The following KCNG3 variants were observed in gnomAD, a reference collection of about 807,000 sequenced individuals.
KCNG3 encodes the protein potassium voltage-gated channel modifier subfamily G member 3.
A neutral mutation model predicts 29.0 loss-of-function variants in KCNG3; 15 were observed. The ratio of observed to expected loss-of-function variants is 0.52; its 90% CI spans 0.35 to 0.80. The LOEUF is 0.80. KCNG3 is among the 30% of genes least tolerant of loss of function. The pLI is 0.01. For synonymous variants in KCNG3, 322 were observed against 248.9 expected (o/e 1.29, Z -2.76); for missense variants, 512 against 605.7 (o/e 0.85, Z 1.62).
In KCNG3 at chr2:42,493,082, C is replaced by T; in HGVS notation, c.420G>A (p.Ala140=). The T allele has an allele frequency of 1.9e-6, 3 of 1,557,214 alleles. No individual in the cohort carries two copies. The highest frequency in any genetic ancestry group is 2.6e-6 in the Non-Finnish European group (3 of 1,156,280). ...GAGCCGCCTCGGCCCCGCCGGGGCG[C>T]GCCTCGTCGCGGCCCAGCACGCCCG... is the stretch of plus-strand genomic sequence containing the variant. ...DEPGVLGRDE[A]RPGGAEAAPS... is the part of the protein sequence containing the mutation. The change falls in exon 1 of 2, where the codon GCG becomes GCA. Residue 140 remains alanine, a synonymous_variant. Transcript: ENST00000306078.
chr2:42,445,661 C>T (rs1413722256), intron 1 of KCNG3, among the ~76,000 whole-genome samples: 5 of 152,204 alleles, frequency 3.3e-5, no homozygotes, highest in Admixed American at 6.5e-5. Flanking sequence ...TATTTACCAC[C>T]CTTTCTGCAT....
chr2:42,396,610 G>A, the KCNG3 span, among the ~76,000 whole-genome samples: 725 of 152,248 alleles, frequency 4.8e-3, 2 homozygotes, highest in Non-Finnish European at 7.6e-3. Context: ...GTGAGAGCTG[G>A]GGAGAACCAG....
chr2:42,482,250 G>A (rs1286159084), intron 1 of KCNG3, among the ~76,000 whole-genome samples: 1 of 152,184 alleles, frequency 6.6e-6, no homozygotes, highest in Non-Finnish European at 1.5e-5. Context: ...CATGAATGGG[G>A]AGCCATAAAA....
the KCNG3 span, among the ~76,000 whole-genome samples, chr2:42,414,421 A>G: frequency 6.6e-6 from 1 of 152,260 alleles, no homozygotes; most frequent in Non-Finnish European, 1.5e-5. Context: ...TGCTAAAAAT[A>G]AGCATACTGT....
At chr2:42,398,369 G>A in the KCNG3 span, among the ~76,000 whole-genome samples, 4 of 151,920 alleles carry the variant, frequency 2.6e-5, no homozygotes, top group African/African-American at 9.7e-5. Context: ...CCCTTGTTTT[G>A]CTCAACTTCT....
intron 1 of KCNG3, among the ~76,000 whole-genome samples, chr2:42,445,176 A>C (rs1322154963): frequency 6.6e-6 from 1 of 151,880 alleles, no homozygotes; most frequent in East Asian, 1.9e-4. Context: ...TTTAAAAAAT[A>C]TCTCTCTTAT....
the KCNG3 span, among the ~76,000 whole-genome samples, chr2:42,397,321 G>C: frequency 6.6e-6 from 1 of 151,922 alleles, no homozygotes; most frequent in Non-Finnish European, 1.5e-5. Flanking sequence ...AGGATATACT[G>C]GCAGAAAAAA....
chr2:42,493,701 C>T lies in KCNG3; in HGVS notation c.-200G>A, dbSNP rs1368751490. 1.0e-5 allele frequency: 4 copies of T among 381,782 alleles called. No homozygotes were observed. Among genetic ancestry groups the T allele is most frequent in the African/African-American group, 4.2e-5 (2 of 47,616 alleles). The allele number at this position is 381,782 out of a possible 1,614,324, so 23.6% of individuals were successfully genotyped here. On this transcript the variant is annotated 5_prime_UTR_variant, in exon 1 of 2. Transcript: ENST00000306078. Reference sequence around the variant, plus strand: ...TCTCCGGCGCTGCTAGTAGCGCGCCCTCCGCCCGGCGGTACCTGCGGGTGG... The same window carrying T: ...TCTCCGGCGCTGCTAGTAGCGCGCCTTCCGCCCGGCGGTACCTGCGGGTGG...
the KCNG3 span, among the ~76,000 whole-genome samples, chr2:42,391,993 C>A: frequency 6.6e-6 from 1 of 152,132 alleles, no homozygotes; most frequent in African/African-American, 2.4e-5. Context: ...TAAAATTTGG[C>A]CCCCTATTTT....
the KCNG3 span, among the ~76,000 whole-genome samples, chr2:42,429,974 T>G: frequency 6.6e-6 from 1 of 152,328 alleles, no homozygotes; most frequent in East Asian, 1.9e-4. Context: ...GTGACCTGTG[T>G]TTTCCTGTAA....
At chr2:42,461,548 T>C (rs1340794900) in intron 1 of KCNG3, among the ~76,000 whole-genome samples, 2 of 152,136 alleles carry the variant, frequency 1.3e-5, no homozygotes, top group African/African-American at 2.4e-5. Flanking sequence ...CTAAAAACTT[T>C]CCAGAGATGA....
chr2:42,418,384 G>A, the KCNG3 span, among the ~76,000 whole-genome samples: 1 of 152,100 alleles, frequency 6.6e-6, no homozygotes, highest in African/African-American at 2.4e-5. Context: ...TTCAGCTACT[G>A]TCACTGTGCT....
intron 1 of KCNG3, among the ~76,000 whole-genome samples, chr2:42,467,210 T>A (rs1673162742): frequency 6.6e-6 from 1 of 151,406 alleles, no homozygotes; most frequent in African/African-American, 2.4e-5. Context: ...CCTACAATCA[T>A]GAAAAAAATT....
chr2:42,409,861 G>C, the KCNG3 span, among the ~76,000 whole-genome samples: 2 of 151,654 alleles, frequency 1.3e-5, no homozygotes, highest in Non-Finnish European at 2.9e-5. Flanking sequence ...ATTGACAATT[G>C]ACTTTTGGAC....
At chr2:42,399,105 G>A in the KCNG3 span, among the ~76,000 whole-genome samples, 1 of 138,550 alleles carries the variant, frequency 7.2e-6, no homozygotes, top group African/African-American at 2.8e-5. Context: ...CACCCAGGCT[G>A]GAGTGCAGTG....
the KCNG3 span, among the ~76,000 whole-genome samples, chr2:42,427,865 G>GCT: frequency 6.6e-6 from 1 of 152,026 alleles, no homozygotes; most frequent in Non-Finnish European, 1.5e-5. Flanking sequence ...CAAGTCAATG[G>GCT]CTTTCTAAAA....
chr2:42,445,421 T>C (rs1672574187), intron 1 of KCNG3, among the ~76,000 whole-genome samples: 2 of 152,128 alleles, frequency 1.3e-5, no homozygotes, highest in Non-Finnish European at 2.9e-5. Flanking sequence ...TAGGCTTGTA[T>C]GGGAGATACT....
In KCNG3 at chr2:42,493,595, G is replaced by A. The variant is rs1673977748; in HGVS notation, c.-94C>T. The A allele has an allele frequency of 6.1e-6, 7 of 1,152,360 alleles. No homozygotes were observed. The highest frequency in any genetic ancestry group is 8.4e-5 in the South Asian group (2 of 23,842). 71.4% of individuals were successfully genotyped at this position (1,152,360 alleles called of 1,614,324 possible). On this transcript the variant is annotated 5_prime_UTR_variant, in exon 1 of 2. Coordinates refer to ENST00000306078, the MANE Select transcript of KCNG3 (RefSeq NM_133329.6). ...GGGCCTGCCTGCCCGTGGCTGACGG[G>A]GGAGCGCGCCGTCGGGGCCCGCGCT... is the stretch of plus-strand genomic sequence containing the variant.
the KCNG3 span, among the ~76,000 whole-genome samples, chr2:42,417,009 G>T: frequency 6.6e-6 from 1 of 152,100 alleles, no homozygotes; most frequent in Non-Finnish European, 1.5e-5. Flanking sequence ...AGCACTTTGG[G>T]AGGCTGAGGT....
Sources: gnomAD v4.1 joint callset for allele counts (sites outside exome capture counted in the v4.1 genomes callset) on GRCh38, gnomAD v4.1.1 for gene constraint, MANE v1.5 for transcripts, NCBI Gene and HGNC (gene_info 2026-07-23, HGNC 2026-07-21) for gene names.